The following CDH4 variants were observed in gnomAD, a reference collection of about 807,000 sequenced individuals.
CDH4 encodes the protein cadherin-4.
CDH4 carries 33 observed loss-of-function variants against 86.0 expected under a neutral mutation model. That is an observed-to-expected ratio of 0.38 (90% CI 0.29 to 0.51). CDH4 has a LOEUF of 0.51. Among genes scored for constraint, CDH4 ranks in the 20% least tolerant of loss-of-function variants. The pLI, the probability that CDH4 is intolerant of heterozygous loss-of-function variation, is 0.86. For missense variants in CDH4, 1,114 were observed against 1,307.4 expected (o/e 0.85, Z 2.28); for synonymous variants, 555 against 549.4 (o/e 1.01, Z -0.14).
Position 61,932,833 on chromosome 20 carries a change from G to A in CDH4, c.2240-152G>A, listed in dbSNP as rs554224309. 500 of 1,001,248 alleles carry A rather than the reference G, an allele frequency of 5.0e-4. 1 individual carries two copies. Among genetic ancestry groups the A allele is most frequent in the African/African-American group, 3.7e-3 (229 of 61,804 alleles). The allele number at this position is 1,001,248 out of a possible 1,614,324, so 62.0% of individuals were successfully genotyped here. A position where few individuals can be genotyped will look rare whatever the true frequency, so the allele number is the denominator to read the frequency against. Reference sequence around the variant, plus strand: ...CAGGCCTGCATGTGCAGAGACATGCGCGTGTGCAGTACAGGTGTGCATGCA... The same window carrying A: ...CAGGCCTGCATGTGCAGAGACATGCACGTGTGCAGTACAGGTGTGCATGCA... On this transcript the variant is annotated intron_variant, in intron 13 of 15. Transcript: ENST00000614565.
intron 2 of CDH4, among the ~76,000 whole-genome samples, chr20:61,502,887 G>A (rs1391904845): frequency 6.6e-6 from 1 of 152,176 alleles, no homozygotes; most frequent in African/African-American, 2.4e-5. Context: ...CACAGTGGAG[G>A]GTTCCTTGTG....
chr20:61,894,276 C>T (rs1984992059), intron 7 of CDH4, among the ~76,000 whole-genome samples: 1 of 152,206 alleles, frequency 6.6e-6, no homozygotes, highest in Admixed American at 6.5e-5. Context: ...GGCCATCAGA[C>T]TCCTTCAATG....
chr20:61,306,708 T>C (rs1417614773), intron 2 of CDH4, among the ~76,000 whole-genome samples: 3 of 152,132 alleles, frequency 2.0e-5, no homozygotes, highest in Non-Finnish European at 4.4e-5. Flanking sequence ...AGATGGTGTA[T>C]CATCTCAAAC....
At chr20:61,360,174 G>A (rs1033654243) in intron 2 of CDH4, among the ~76,000 whole-genome samples, 3 of 152,212 alleles carry the variant, frequency 2.0e-5, no homozygotes, top group Admixed American at 1.3e-4. Context: ...GTCGGGCAGA[G>A]CCAGAGAAAC....
chr20:61,553,976 C>G (rs1251724065), intron 2 of CDH4, among the ~76,000 whole-genome samples: 1 of 152,164 alleles, frequency 6.6e-6, no homozygotes, highest in Non-Finnish European at 1.5e-5. Context: ...GGCCAGGTCC[C>G]TGTCCTAGGA....
intron 2 of CDH4, among the ~76,000 whole-genome samples, chr20:61,310,333 C>A (rs2084438712): frequency 6.6e-6 from 1 of 152,172 alleles, no homozygotes; most frequent in Admixed American, 6.5e-5. Context: ...ACCAGTGGTC[C>A]CCAACGTTTT....
intron 2 of CDH4, among the ~76,000 whole-genome samples, chr20:61,700,711 C>T (rs536014344): frequency 7.2e-5 from 11 of 152,292 alleles, no homozygotes; most frequent in East Asian, 3.9e-4. Context: ...TCACCCTATA[C>T]GGCCTCACTG....
intron 2 of CDH4, among the ~76,000 whole-genome samples, chr20:61,372,175 T>C (rs1257708882): frequency 3.9e-5 from 6 of 152,218 alleles, no homozygotes; most frequent in African/African-American, 1.2e-4. Flanking sequence ...ATGCCCCATC[T>C]ACCCCTGAAA....
At chr20:61,828,336 C>T (rs1166234863) in intron 4 of CDH4, among the ~76,000 whole-genome samples, 3 of 152,210 alleles carry the variant, frequency 2.0e-5, no homozygotes, top group Non-Finnish European at 2.9e-5. Flanking sequence ...TGATCCTGAC[C>T]TGGCCTCTGG....
intron 2 of CDH4, among the ~76,000 whole-genome samples, chr20:61,298,870 G>T (rs1385250010): frequency 6.6e-6 from 1 of 151,814 alleles, no homozygotes; most frequent in Non-Finnish European, 1.5e-5. Flanking sequence ...TGTGTATGCG[G>T]TAAACAAAAT....
At chr20:61,310,601 T>C (rs1016083567) in intron 2 of CDH4, among the ~76,000 whole-genome samples, 3 of 152,156 alleles carry the variant, frequency 2.0e-5, no homozygotes, top group Admixed American at 2.0e-4. Context: ...CTTCCTGCTG[T>C]CCAGCCTGGT....
At chr20:61,399,260 G>A (rs1301374819) in intron 2 of CDH4, among the ~76,000 whole-genome samples, 1 of 105,850 alleles carries the variant, frequency 9.4e-6, no homozygotes, top group Non-Finnish European at 1.9e-5. Context: ...AGCCTCCCGA[G>A]TAGCTGGGAC....
chr20:61,466,431 A>C (rs577704897), intron 2 of CDH4, among the ~76,000 whole-genome samples: 1 of 152,352 alleles, frequency 6.6e-6, no homozygotes, highest in Non-Finnish European at 1.5e-5. Context: ...TATGACTAAA[A>C]GAAGAAATAC....
chr20:61,503,954 C>T (rs568485988), intron 2 of CDH4, among the ~76,000 whole-genome samples: 16 of 152,170 alleles, frequency 1.1e-4, no homozygotes, highest in Non-Finnish European at 2.1e-4. Flanking sequence ...TGAGCCAGGT[C>T]GGCCAAGGAG....
At chr20:61,410,021 C>T (rs890234488) in intron 2 of CDH4, among the ~76,000 whole-genome samples, 1 of 152,334 alleles carries the variant, frequency 6.6e-6, no homozygotes, top group Admixed American at 6.5e-5. Context: ...GTGTACAGTG[C>T]AGCTCAGTGC....
chr20:61,824,742 A>G (rs1243418655), intron 4 of CDH4, among the ~76,000 whole-genome samples: 1 of 152,214 alleles, frequency 6.6e-6, no homozygotes, highest in Non-Finnish European at 1.5e-5. Context: ...CTTTCCTGTG[A>G]AGGCCTTTTC....
intron 2 of CDH4, among the ~76,000 whole-genome samples, chr20:61,277,983 G>A (rs1008321031): frequency 6.6e-6 from 1 of 152,204 alleles, no homozygotes; most frequent in African/African-American, 2.4e-5. Flanking sequence ...GTTGATCTCA[G>A]ATTCAGAGCC....
chr20:61,907,438 C>T (rs879585541), intron 8 of CDH4, among the ~76,000 whole-genome samples: 1 of 152,130 alleles, frequency 6.6e-6, no homozygotes, highest in Non-Finnish European at 1.5e-5. Context: ...AGGCAGGCAG[C>T]TCCCTGTACC....
Position 61,778,918 on chromosome 20 carries a change from A to G in CDH4, c.576+5736A>G, listed in dbSNP as rs1978385069. ...CTATGGTGCCAAGCACCATGCGGGC[A>G]CTGGGGCTTCAGGGGAGAGAGGATA... On this transcript the variant is annotated intron_variant, in intron 4 of 15. Coordinates refer to ENST00000614565, the MANE Select transcript of CDH4 (RefSeq NM_001794.5). Among the ~76,000 whole-genome samples, 4 of 152,198 alleles carry G rather than the reference A, an allele frequency of 2.6e-5. 1 individual carries two copies. Among genetic ancestry groups the G allele is most frequent in the Admixed American group, 2.6e-4 (4 of 15,282 alleles).
Sources: gnomAD v4.1 joint callset for allele counts (sites outside exome capture counted in the v4.1 genomes callset) on GRCh38, gnomAD v4.1.1 for gene constraint, MANE v1.5 for transcripts, NCBI Gene and HGNC (gene_info 2026-07-23, HGNC 2026-07-21) for gene names.